IKBKE: variants seen among roughly 807,000 people sequenced by gnomAD.
IKBKE encodes the protein inhibitor of nuclear factor kappa B kinase subunit epsilon.
In IKBKE, 45 loss-of-function variants were observed where a neutral mutation model predicts 92.1. The ratio of observed to expected loss-of-function variants is 0.49; its 90% CI spans 0.38 to 0.63. IKBKE has a LOEUF of 0.63. IKBKE is among the 20% of genes least tolerant of loss of function. The pLI is 0.00. For synonymous variants in IKBKE, 374 were observed against 380.3 expected (o/e 0.98, Z 0.19); for missense variants, 700 against 932.8 (o/e 0.75, Z 3.25).
chr1:206,482,765 C>A (rs1268025343), intron 13 of IKBKE, among the ~76,000 whole-genome samples: 2 of 152,242 alleles, frequency 1.3e-5, no homozygotes, highest in Non-Finnish European at 2.9e-5. Flanking sequence ...ATCTCTGCGG[C>A]CTCCCAGCTC....
rs2103472513 is a variant in IKBKE at position 206,485,255 on chromosome 1, G to A, written c.1565G>A (p.Ser522Asn). Reference protein sequence around the residue: ...NITETQESLSSLNRELVKSRD... With the variant: ...NITETQESLSNLNRELVKSRD... The stretch of plus-strand genomic sequence containing the variant: ...ACGGAGACCCAGGAGAGCCTGAGCA[G>A]CCTGAACCGGGAGCTGGTGAAGAGC... Residue 522 changes from serine to asparagine, a missense_variant, in exon 15 of 22, where the codon AGC (serine) becomes AAC (asparagine). Coordinates refer to ENST00000581977, the MANE Select transcript of IKBKE (RefSeq NM_014002.4). This position sits in a 1 kb window ranked among gnomAD's most constrained non-coding sequence, Gnocchi z 5.0. 1 of 1,614,044 alleles carries A rather than the reference G, an allele frequency of 6.2e-7. No homozygotes were observed. The highest frequency in any genetic ancestry group is 1.3e-5 in the African/African-American group (1 of 75,060).
intron 18 of IKBKE, chr1:206,492,183 G>A (rs563394424): frequency 2.3e-4 from 77 of 337,292 alleles, no homozygotes; most frequent in Admixed American, 5.5e-4. Flanking sequence ...GTCTCCTTTA[G>A]GAGAACACTA....
chr1:206,483,341 T>C (rs1457192349), intron 13 of IKBKE, among the ~76,000 whole-genome samples: 1 of 152,242 alleles, frequency 6.6e-6, no homozygotes, highest in Non-Finnish European at 1.5e-5. Flanking sequence ...CCTGTGGAGA[T>C]GTATTGGGTC....
intron 17 of IKBKE, chr1:206,491,294 C>T (rs1665939469): frequency 2.8e-6 from 1 of 359,116 alleles, no homozygotes; most frequent in Admixed American, 4.1e-5. Context: ...TACAAGCACC[C>T]CGACCCCTTT....
chr1:206,485,978 T>C lies in IKBKE; in HGVS notation c.1616+672T>C, dbSNP rs552112496. 1.3e-5 allele frequency among the ~76,000 whole-genome samples: 2 copies of C among 152,384 alleles called. No homozygotes were observed. The highest frequency in any genetic ancestry group is 4.1e-4 in the South Asian group (2 of 4,832). On this transcript the variant is annotated intron_variant, in intron 15 of 21. Coordinates refer to ENST00000581977, the MANE Select transcript of IKBKE (RefSeq NM_014002.4). The surrounding 1 kb of genome is among the most constrained non-coding windows in gnomAD (Gnocchi z 5.0). The stretch of plus-strand genomic sequence containing the variant: ...CGCGGACCTCCTCCCCATTCTCTGC[T>C]GGTGCCTACTGTAATCTGGGCCTAT...
At position 206,474,391 on chromosome 1, in the gene IKBKE, G is replaced by A. The variant is rs782440026; in HGVS notation, c.148G>A (p.Glu50Lys). The change falls in exon 4 of 22, where the codon GAG becomes AAG. Residue 50 changes from glutamate to lysine, a missense_variant. Glu to Lys is a moderately conservative substitution (Grantham distance 56). Coordinates refer to ENST00000581977, the MANE Select transcript of IKBKE (RefSeq NM_014002.4). ...CACTACCAGCTACCTGCGGCCCCGC[G>A]AGGTGCAGGTGAGGGAGTTTGAGGT... ...FNTTSYLRPR[E>K]VQVREFEVLR... The A allele has an allele frequency of 4.8e-5, 77 of 1,613,908 alleles. No individual in the cohort carries two copies. Among genetic ancestry groups the A allele is most frequent in the Admixed American group, 1.8e-4 (11 of 60,000 alleles).
In IKBKE at chr1:206,492,640, G is replaced by T. The variant is rs1304675806; in HGVS notation, c.1836-383G>T. On this transcript the variant is annotated intron_variant, in intron 18 of 21. Coordinates refer to ENST00000581977, the MANE Select transcript of IKBKE (RefSeq NM_014002.4). ...CTTCACTCCACTTAGAGATAGAAGA[G>T]AATTCACACTGGAAATGAGAGCGTG... 3 of 483,010 alleles carry T rather than the reference G, an allele frequency of 6.2e-6. No individual in the cohort carries two copies. The Admixed American group carries it at 7.0e-5, about 11-fold the overall frequency. The allele number at this position is 483,010 out of a possible 1,614,324, so 29.9% of individuals were successfully genotyped here. A position where few individuals can be genotyped will look rare whatever the true frequency, so the allele number is the denominator to read the frequency against.
chr1:206,475,538 C>G (rs1665014710), intron 5 of IKBKE, among the ~76,000 whole-genome samples: 1 of 152,062 alleles, frequency 6.6e-6, no homozygotes, highest in Admixed American at 6.6e-5. Flanking sequence ...GGTTTGAGAC[C>G]AGTCTGGCGA....
chr1:206,479,168 C>T (rs1553386345), intron 10 of IKBKE, 35 bp downstream of exon 10: 3 of 1,504,786 alleles, frequency 2.0e-6, no homozygotes, highest in South Asian at 2.5e-5. Context: ...TCTTTCTCCT[C>T]CCCACATTTT....
Position 206,480,543 on chromosome 1 carries a change from C to T in IKBKE, c.1427+10C>T, listed in dbSNP as rs781789928. On this transcript the variant is annotated intron_variant, in intron 13 of 21. Transcript: ENST00000581977. The stretch of plus-strand genomic sequence containing the variant: ...GCCTGGGAACTGAGAGGTGGGTGTT[C>T]GCCTCAGGCCAGCTGGGACCTCTCA... The T allele has an allele frequency of 2.4e-5, 38 of 1,604,722 alleles. No individual in the cohort carries two copies. Among genetic ancestry groups the T allele is most frequent in the Non-Finnish European group, 3.1e-5 (36 of 1,172,710 alleles).
chr1:206,485,090 G>C lies in IKBKE; in HGVS notation c.1503+18G>C. The stretch of plus-strand genomic sequence containing the variant: ...TGCGGACTGTGAGTGAGGCTGGAGG[G>C]CAAGGGCTTAGCAGGATCAGAGCTG... On this transcript the variant is annotated intron_variant, in intron 14 of 21. Transcript: ENST00000581977. The surrounding 1 kb of genome is among the most constrained non-coding windows in gnomAD (Gnocchi z 5.0). 6.2e-7 allele frequency: 1 copy of C among 1,611,412 alleles called. No individual in the cohort carries two copies.
At position 206,490,811 on chromosome 1, in the gene IKBKE, T is replaced by C. The variant is rs954644062; in HGVS notation, c.1694-8T>C. 6.2e-7 allele frequency: 1 copy of C among 1,614,070 alleles called. No homozygotes were observed. The highest frequency in any genetic ancestry group is 1.7e-5 in the Admixed American group (1 of 60,022). Reference sequence around the variant, plus strand: ...ATAGGTGACATCTGTTCTGTCTGTTTCCTCCAGGGCTTGGCTACAACGAGG... The same window carrying C: ...ATAGGTGACATCTGTTCTGTCTGTTCCCTCCAGGGCTTGGCTACAACGAGG... On this transcript the variant is annotated splice_region_variant and splice_polypyrimidine_tract_variant and intron_variant, in intron 16 of 21. Transcript: ENST00000581977. This position sits in a 1 kb window ranked among gnomAD's most constrained non-coding sequence, Gnocchi z 5.2.
intron 21 of IKBKE, among the ~76,000 whole-genome samples, chr1:206,495,582 C>T (rs1361269720): frequency 2.6e-5 from 4 of 152,154 alleles, no homozygotes; most frequent in Admixed American, 2.0e-4. Flanking sequence ...AGAACTCATC[C>T]TCTTAAACAC....
intron 13 of IKBKE, among the ~76,000 whole-genome samples, chr1:206,484,469 AC>A (rs1169535700): frequency 5.9e-5 from 9 of 152,182 alleles, no homozygotes; most frequent in South Asian, 4.1e-4. Context: ...TGACCTTGTC[AC>A]CGTGCAAATG....
In IKBKE at chr1:206,486,135, T is replaced by TA. The variant is rs781899816; in HGVS notation, c.1616+830dup. Among the ~76,000 whole-genome samples, 3 of 152,384 alleles carry TA rather than the reference T, an allele frequency of 2.0e-5. No homozygotes were observed. The East Asian group carries it at 5.8e-4, about 29-fold the overall frequency. The stretch of plus-strand genomic sequence containing the variant: ...GGCTCTTTATAGAATTTATCCCACT[T>TA]ACGGTGAATGTTCTTGTGGTTCTTT... On this transcript the variant is annotated intron_variant, in intron 15 of 21. Transcript: ENST00000581977.
In IKBKE at chr1:206,474,460, G is replaced by T. The variant is rs372072572; in HGVS notation, c.217G>T (p.Val73Leu). The T allele has an allele frequency of 2.5e-6, 4 of 1,613,502 alleles. No individual in the cohort carries two copies. In the African/African-American group the frequency reaches 4.0e-5, roughly 16 times the overall value. ...NHQNIVKLFAVEETGGSRQKV... is the reference protein window; with the variant it reads ...NHQNIVKLFALEETGGSRQKV... ...CCAGAACATTGTCAAGCTCTTTGCG[G>T]TGGAGGAGACGGTAGGTCCGGTGCT... The change falls in exon 4 of 22, where the codon GTG becomes TTG. Residue 73 changes from valine to leucine, a missense_variant. Physicochemically the swap from Val to Leu is conservative, Grantham distance 32. Coordinates refer to ENST00000581977, the MANE Select transcript of IKBKE (RefSeq NM_014002.4).
chr1:206,481,123 G>A (rs541847922), intron 13 of IKBKE, among the ~76,000 whole-genome samples: 24 of 152,302 alleles, frequency 1.6e-4, no homozygotes, highest in African/African-American at 5.8e-4. Flanking sequence ...CAAGTGGAAG[G>A]GTCTGGAGAT....
chr1:206,478,139 C>T lies in IKBKE; in HGVS notation c.813-21C>T, dbSNP rs782228340. On this transcript the variant is annotated intron_variant, in intron 8 of 21. Transcript: ENST00000581977. This position sits in a 1 kb window ranked among gnomAD's most constrained non-coding sequence, Gnocchi z 4.8. ...GGTCTGGGCCCCCACCCCTGACAGT[C>T]TCCATGTCCTGGGAGGGCAGGGGGC... 3.6e-5 allele frequency: 58 copies of T among 1,610,208 alleles called. No individual in the cohort carries two copies. In the South Asian group the frequency reaches 6.0e-4, roughly 17 times the overall value.
In IKBKE at chr1:206,487,926, T is replaced by G. The variant is rs41299037; in HGVS notation, c.1629T>G (p.Ile543Met). ...QVHEDRSIQQ[I>M]QCCLDKMNFI... is the part of the protein sequence containing the mutation. ...CTCCTGCCCACAGCATCCAGCAGAT[T>G]CAGTGCTGTTTGGACAAGATGAACT... Residue 543 changes from isoleucine (I) to methionine (M), a missense_variant, in exon 16 of 22, where the codon ATT becomes ATG. Coordinates refer to ENST00000581977, the MANE Select transcript of IKBKE (RefSeq NM_014002.4). This position sits in a 1 kb window ranked among gnomAD's most constrained non-coding sequence, Gnocchi z 5.3. 1,986 of 1,613,666 alleles carry G rather than the reference T, an allele frequency of 1.2e-3. 16 individuals carry two copies. The African/African-American group carries it at 0.022, about 18-fold the overall frequency.
Sources: gnomAD v4.1 joint callset for allele counts (sites outside exome capture counted in the v4.1 genomes callset) on GRCh38, gnomAD v4.1.1 for gene constraint, Gnocchi (gnomAD v3.1) non-coding constraint, MANE v1.5 for transcripts, NCBI Gene and HGNC (gene_info 2026-07-23, HGNC 2026-07-21) for gene names.